BMPR1A: variants seen among roughly 807,000 people sequenced by gnomAD.
BMPR1A encodes bone morphogenetic protein receptor type 1A, also known as bone morphogenetic protein receptor type-1A.
BMPR1A carries 7 observed loss-of-function variants against 66.0 expected under a neutral mutation model. The observed-to-expected ratio is 0.11, with a 90% CI of 0.06 to 0.20. The LOEUF (loss-of-function observed/expected upper bound fraction) is 0.20, where lower values mean the gene tolerates loss of function less well. Ranked by LOEUF, BMPR1A falls within the 10% of genes least tolerant of loss-of-function variation. The pLI is 1.00. For missense variants in BMPR1A, 408 were observed against 669.1 expected, an observed-to-expected ratio of 0.61 and a Z score of 4.31; for synonymous variants, 200 against 229.7, an observed-to-expected ratio of 0.87 and a Z score of 1.17.
chr10:86,778,176 G>A (rs931807617), intron 1 of BMPR1A, among the ~76,000 whole-genome samples: 8 of 151,750 alleles, frequency 5.3e-5, no homozygotes, highest in East Asian at 1.9e-4. Flanking sequence ...GGATAGCTTC[G>A]AATACAGACC....
intron 7 of BMPR1A, among the ~76,000 whole-genome samples, chr10:86,910,056 G>A (rs966224879): frequency 1.3e-5 from 2 of 152,148 alleles, no homozygotes; most frequent in Non-Finnish European, 2.9e-5. Context: ...TAGGTGGCCG[G>A]GCGCAGTGGC....
intron 2 of BMPR1A, among the ~76,000 whole-genome samples, chr10:86,846,537 C>G (rs552965696): frequency 3.2e-4 from 48 of 152,218 alleles, no homozygotes; most frequent in African/African-American, 1.0e-3. Context: ...TTTTTGGACC[C>G]TTTTAATACA....
chr10:86,763,145 C>T (rs991286873), intron 1 of BMPR1A, among the ~76,000 whole-genome samples: 1 of 151,654 alleles, frequency 6.6e-6, no homozygotes, highest in Admixed American at 6.6e-5. Flanking sequence ...CCGCCCACCT[C>T]GGCCTCCCAA....
At position 86,790,191 on chromosome 10, in the gene BMPR1A, ATATATATATATATATATATATATATAT is replaced by A. The variant is rs1564685541; in HGVS notation, c.-268+33273_-268+33299del. ...AAAAAAAAAAAAAAAAAAAAAAAATATATATATATATATATATATATATATATATATATATATATATATATCAAAACC... is the reference window on the plus strand; with the variant it reads ...AAAAAAAAAAAAAAAAAAAAAAAATAATATATATATATATATATCAAAACC... On this transcript the variant is annotated intron_variant, in intron 1 of 12. Coordinates refer to ENST00000372037, the MANE Select transcript of BMPR1A (RefSeq NM_004329.3). 4.7e-3 allele frequency among the ~76,000 whole-genome samples: 44 copies of A among 9,322 alleles called. 6 individuals are homozygous for A. The highest frequency in any genetic ancestry group is 5.7e-3 in the Non-Finnish European group (36 of 6,310). The allele number at this position is 9,322 out of a possible 152,430, so 6.1% of individuals were successfully genotyped here.
intron 3 of BMPR1A, among the ~76,000 whole-genome samples, chr10:86,882,662 G>GA (rs372324110): frequency 0.064 from 8,239 of 128,956 alleles, 536 homozygotes; most frequent in African/African-American, 0.17. Context: ...CTACTTTTAG[G>GA]AAAAAAAAAA....
At chr10:86,917,427 A>G in intron 9 of BMPR1A, 101 bp downstream of exon 9, 2 of 1,411,450 alleles carry the variant, frequency 1.4e-6, no homozygotes, top group Non-Finnish European at 2.0e-6. Context: ...GTTCAACTAT[A>G]TACATTTGGC....
chr10:86,915,973 G>T, intron 8 of BMPR1A, among the ~76,000 whole-genome samples: 1 of 152,128 alleles, frequency 6.6e-6, no homozygotes, highest in East Asian at 1.9e-4. Context: ...CTGTGAGCAG[G>T]GGATGGAATT....
intron 1 of BMPR1A, among the ~76,000 whole-genome samples, chr10:86,768,894 A>G (rs971665519): frequency 6.7e-5 from 10 of 149,624 alleles, no homozygotes; most frequent in African/African-American, 2.6e-4. Flanking sequence ...TGAGGACTAA[A>G]TGAATGATGA....
intron 1 of BMPR1A, among the ~76,000 whole-genome samples, chr10:86,800,207 A>C (rs1219854021): frequency 6.6e-6 from 1 of 152,178 alleles, no homozygotes; most frequent in African/African-American, 2.4e-5. Flanking sequence ...GATGGGCAGC[A>C]CAGGGCCTGT....
Position 86,917,119 on chromosome 10 carries a change from C to CT in BMPR1A, c.676-9dup. ...TTTCATCAAGAGCTCAAACCTTTTA[C>CT]TTTTTTCTATAAAGGTTCAGCGAAC... On this transcript the variant is annotated splice_polypyrimidine_tract_variant and intron_variant, in intron 8 of 12. Coordinates refer to ENST00000372037, the MANE Select transcript of BMPR1A (RefSeq NM_004329.3). 6.2e-7 allele frequency: 1 copy of CT among 1,613,536 alleles called. No individual in the cohort carries two copies. The highest frequency in any genetic ancestry group is 1.1e-5 in the South Asian group (1 of 91,036).
At chr10:86,791,635 CT>C (rs1320828206) in intron 1 of BMPR1A, among the ~76,000 whole-genome samples, 1 of 150,736 alleles carries the variant, frequency 6.6e-6, no homozygotes. Context: ...CCCTGTCCAT[CT>C]CATTAAGAGA....
At chr10:86,900,329 T>C (rs780418975) in intron 7 of BMPR1A, among the ~76,000 whole-genome samples, 2 of 152,190 alleles carry the variant, frequency 1.3e-5, no homozygotes, top group Non-Finnish European at 1.5e-5. Flanking sequence ...TCTTGTATGT[T>C]CATGATTACT....
At chr10:86,827,415 A>G (rs879646825) in intron 1 of BMPR1A, among the ~76,000 whole-genome samples, 6 of 152,158 alleles carry the variant, frequency 3.9e-5, no homozygotes, top group Non-Finnish European at 8.8e-5. Flanking sequence ...GGAATATTCT[A>G]TGAATATACC....
chr10:86,913,528 T>C (rs866032879), intron 8 of BMPR1A, among the ~76,000 whole-genome samples: 1 of 152,160 alleles, frequency 6.6e-6, no homozygotes, highest in African/African-American at 2.4e-5. Flanking sequence ...ATTGTTTACG[T>C]AGAAAATCCC....
chr10:86,873,316 G>A (rs1160869447), intron 2 of BMPR1A, among the ~76,000 whole-genome samples: 2 of 151,990 alleles, frequency 1.3e-5, no homozygotes, highest in Non-Finnish European at 2.9e-5. Flanking sequence ...CAGTTGCAGT[G>A]GTTCACACCT....
intron 1 of BMPR1A, among the ~76,000 whole-genome samples, chr10:86,818,470 C>T (rs970267018): frequency 2.0e-5 from 3 of 151,960 alleles, no homozygotes; most frequent in Non-Finnish European, 4.4e-5. Flanking sequence ...AATTTTAGGG[C>T]GCAGATGAAG....
intron 4 of BMPR1A, 150 bp from the exon 5 acceptor site, chr10:86,891,977 C>T (rs183257916): frequency 7.6e-6 from 5 of 656,444 alleles, no homozygotes; most frequent in Middle Eastern, 4.1e-4. Context: ...AAACCTCTGG[C>T]GTTGCCAATA....
intron 1 of BMPR1A, among the ~76,000 whole-genome samples, chr10:86,769,331 G>A (rs552578494): frequency 5.3e-5 from 8 of 152,274 alleles, no homozygotes; most frequent in African/African-American, 1.9e-4. Context: ...ATCACTTGAG[G>A]CCAGGATTTT....
chr10:86,893,659 G>T (rs943412394), intron 5 of BMPR1A, among the ~76,000 whole-genome samples: 3 of 152,018 alleles, frequency 2.0e-5, no homozygotes, highest in African/African-American at 7.2e-5. Context: ...GTGGTGGCGG[G>T]TGCCTGTCGT....
Sources: gnomAD v4.1 joint callset for allele counts (sites outside exome capture counted in the v4.1 genomes callset) on GRCh38, gnomAD v4.1.1 for gene constraint, MANE v1.5 for transcripts, NCBI Gene and HGNC (gene_info 2026-07-23, HGNC 2026-07-21) for gene names.